Variants in LCA5L observed in about 807,000 individuals in gnomAD.
LCA5L encodes the protein lebercilin-like protein.
LCA5L carries 35 observed loss-of-function variants against 45.4 expected under a neutral mutation model. That is an observed-to-expected ratio of 0.77 (90% CI 0.59 to 1.02). LCA5L has a LOEUF of 1.02. LCA5L is among the 50% of genes least tolerant of loss of function. The pLI, the probability that LCA5L is intolerant of heterozygous loss-of-function variation, is 0.00. For missense variants in LCA5L, 668 were observed against 761.6 expected (o/e 0.88, Z 1.45); for synonymous variants, 233 against 264.7 (o/e 0.88, Z 1.16).
At chr21:39,433,927 CTTTTTTT>C (rs10574659) in intron 3 of LCA5L, among the ~76,000 whole-genome samples, 2 of 95,826 alleles carry the variant, frequency 2.1e-5, no homozygotes, top group South Asian at 4.1e-4. Context: ...CCACATCCAG[CTTTTTTT>C]TTTTTTTTTT....
Position 39,421,101 on chromosome 21 carries a change from GTT to G in LCA5L, c.838-260_838-259del, listed in dbSNP as rs200770360. On this transcript the variant is annotated intron_variant, in intron 6 of 10. Coordinates refer to ENST00000288350, the MANE Select transcript of LCA5L (RefSeq NM_152505.4). ...ACTCTAAAATTTGATTTAACAATTCGTTTTTTTTTTTTTTTTTCTAAGTTGGA... is the reference window on the plus strand; with the variant it reads ...ACTCTAAAATTTGATTTAACAATTCGTTTTTTTTTTTTTTTCTAAGTTGGA... Among the ~76,000 whole-genome samples the G allele has an allele frequency of 6.8e-3, 847 of 125,402 alleles. 6 individuals carry two copies. The highest frequency in any genetic ancestry group is 0.023 in the African/African-American group (817 of 35,546). The allele number at this position is 125,402 out of a possible 152,430, so 82.3% of individuals were successfully genotyped here.
chr21:39,422,467 G>C (rs2073931452), intron 6 of LCA5L: 1 of 155,416 alleles, frequency 6.4e-6, no homozygotes, highest in Non-Finnish European at 1.4e-5. Flanking sequence ...ACATTATCTG[G>C]GAAAAGCTGC....
intron 1 of LCA5L, 130 bp from the exon 2 acceptor site, chr21:39,444,331 G>A (rs1239828641): frequency 6.6e-6 from 1 of 152,080 alleles, no homozygotes; most frequent in African/African-American, 2.4e-5. Flanking sequence ...CTGTTCCAGG[G>A]GCACTGTCAT....
In LCA5L at chr21:39,405,848, A is replaced by T; in HGVS notation, c.*34T>A. 2.1e-6 allele frequency: 3 copies of T among 1,449,648 alleles called. No individual in the cohort carries two copies. Among genetic ancestry groups the T allele is most frequent in the Non-Finnish European group, 2.8e-6 (3 of 1,076,940 alleles). 89.8% of individuals were successfully genotyped at this position (1,449,648 alleles called of 1,614,324 possible). ...ATGCAAGGCACATAAGCAGCATTAT[A>T]TCAAACCAGAATGCATTAGGATATT... On this transcript the variant is annotated 3_prime_UTR_variant, in exon 11 of 11. Transcript: ENST00000288350.
chr21:39,440,912 A>T (rs1041345174), intron 2 of LCA5L, among the ~76,000 whole-genome samples: 6 of 152,270 alleles, frequency 3.9e-5, no homozygotes, highest in African/African-American at 1.2e-4. Context: ...TTATATAGCT[A>T]AGATAATCAA....
At chr21:39,408,803 G>C (rs2039560602) in intron 10 of LCA5L, 1 of 152,242 alleles carries the variant, frequency 6.6e-6, no homozygotes, top group African/African-American at 2.4e-5. Context: ...TATCTCCCAG[G>C]ATGATTCAGG....
At chr21:39,414,655 C>T (rs920239087) in intron 7 of LCA5L, among the ~76,000 whole-genome samples, 4 of 151,394 alleles carry the variant, frequency 2.6e-5, no homozygotes, top group Admixed American at 6.6e-5. Flanking sequence ...AGAAGTGATG[C>T]TGCGTGACTG....
chr21:39,414,013 C>T (rs564398720), intron 7 of LCA5L: 1 of 152,188 alleles, frequency 6.6e-6, no homozygotes, highest in Admixed American at 6.5e-5. Context: ...AGGTTGGGCA[C>T]CACGACAGAG....
Position 39,406,261 on chromosome 21 carries a change from T to C in LCA5L, c.1634A>G (p.Asn545Ser), listed in dbSNP as rs917529961. Residue 545 changes from asparagine (N) to serine (S), a missense_variant, in exon 11 of 11, where the codon AAT becomes AGT. By Grantham distance (46) the Asn-to-Ser change is conservative (BLOSUM62 1). Transcript: ENST00000288350. ...HGLPASGGPA[N>S]AGNMRYSHST... ...ATGACTGTACCTCATGTTGCCGGCA[T>C]TGGCTGGCCCCCCTGAAGCAGGAAG... 3.7e-6 allele frequency: 6 copies of C among 1,614,102 alleles called. No homozygotes were observed. Among genetic ancestry groups the C allele is most frequent in the East Asian group, 2.2e-5 (1 of 44,904 alleles).
intron 3 of LCA5L, among the ~76,000 whole-genome samples, chr21:39,431,074 A>G (rs960552524): frequency 1.3e-5 from 2 of 152,226 alleles, no homozygotes; most frequent in East Asian, 3.8e-4. Flanking sequence ...AAGAATAAAC[A>G]AGACTATAAA....
At chr21:39,426,705 GT>G (rs751662282) in intron 5 of LCA5L, among the ~76,000 whole-genome samples, 29 of 152,230 alleles carry the variant, frequency 1.9e-4, no homozygotes, top group Non-Finnish European at 3.8e-4. Flanking sequence ...TATGAAAGAT[GT>G]TGGGTTTTTG....
intron 2 of LCA5L, among the ~76,000 whole-genome samples, chr21:39,440,552 A>G (rs1455618605): frequency 1.3e-5 from 2 of 152,168 alleles, no homozygotes; most frequent in Non-Finnish European, 2.9e-5. Context: ...AAACAAAACA[A>G]AATGGGATTT....
Position 39,428,232 on chromosome 21 carries a change from G to T in LCA5L, c.262C>A (p.Pro88Thr). The change falls in exon 5 of 11, where the codon CCT becomes ACT. Residue 88 changes from proline (P) to threonine (T), a missense_variant. Physicochemically the swap from Pro to Thr is conservative, Grantham distance 38. Coordinates refer to ENST00000288350, the MANE Select transcript of LCA5L (RefSeq NM_152505.4). ...TTCTTCTCCTTTTCTTTTACCACAG[G>T]CTGCTTTAAATAATTTCTATTAATA... is the stretch of plus-strand genomic sequence containing the variant. ...KAINRNYLKQ[P>T]VVKEKEKKKY... 2 of 1,601,574 alleles carry T rather than the reference G, an allele frequency of 1.2e-6. No homozygotes were observed. The highest frequency in any genetic ancestry group is 1.7e-6 in the Non-Finnish European group (2 of 1,169,764).
chr21:39,410,796 T>C (rs536150284), intron 8 of LCA5L: 14 of 469,948 alleles, frequency 3.0e-5, no homozygotes, highest in African/African-American at 1.6e-4. Context: ...AAGGAAATTA[T>C]ATCATTTAAA....
At chr21:39,427,350 GATAGAGCT>G (rs1458729018) in intron 5 of LCA5L, among the ~76,000 whole-genome samples, 1 of 152,184 alleles carries the variant, frequency 6.6e-6, no homozygotes, top group African/African-American at 2.4e-5. Context: ...GCTGGGAGTT[GATAGAGCT>G]GGTACTTTAA....
intron 3 of LCA5L, among the ~76,000 whole-genome samples, chr21:39,434,999 A>G (rs146389900): frequency 4.6e-4 from 70 of 152,286 alleles, no homozygotes; most frequent in African/African-American, 1.6e-3. Context: ...TATAGTTCAG[A>G]TTTAGTTTGG....
In LCA5L at chr21:39,428,280, G is replaced by A. The variant is rs984151042; in HGVS notation, c.214C>T (p.Leu72Phe). 6.2e-7 allele frequency: 1 copy of A among 1,610,182 alleles called. No individual in the cohort carries two copies. Among genetic ancestry groups the A allele is most frequent in the Non-Finnish European group, 8.5e-7 (1 of 1,176,644 alleles). Reference sequence around the variant, plus strand: ...ATAGCCTTTTCTGAACAATCACAGAGAAAGTCTTCTGAATAATCATACTGA... The same window carrying A: ...ATAGCCTTTTCTGAACAATCACAGAAAAAGTCTTCTGAATAATCATACTGA... ...SSQYDYSEDFLCDCSEKAINR... is the reference protein window; with the variant it reads ...SSQYDYSEDFFCDCSEKAINR... The change falls in exon 5 of 11, where the codon CTC becomes TTC. Residue 72 changes from leucine (L) to phenylalanine (F), a missense_variant. Transcript: ENST00000288350.
chr21:39,423,439 A>G lies in LCA5L; in HGVS notation c.374T>C (p.Phe125Ser). 1 of 1,592,734 alleles carries G rather than the reference A, an allele frequency of 6.3e-7. No individual in the cohort carries two copies. Among genetic ancestry groups the G allele is most frequent in the Non-Finnish European group, 8.5e-7 (1 of 1,173,202 alleles). ...EKKHTWNASL[F>S]NSQIHMIAQR... The stretch of plus-strand genomic sequence containing the variant: ...GGCAATCATATGGATTTGAGAATTA[A>G]AGAGTGATGCATTCCAGGTGTGCTT... The change falls in exon 6 of 11, where the codon TTT becomes TCT. Residue 125 changes from phenylalanine to serine, a missense_variant. Transcript: ENST00000288350.
In LCA5L at chr21:39,424,373, C is replaced by T. The variant is rs528441883; in HGVS notation, c.323-883G>A. Among the ~76,000 whole-genome samples the T allele has an allele frequency of 2.5e-4, 38 of 152,226 alleles. No homozygotes were observed. In the South Asian group the frequency reaches 7.3e-3, roughly 29 times the overall value. The stretch of plus-strand genomic sequence containing the variant: ...GCACATGCCTATAGTCCTAGCTCCT[C>T]AGGAAGCCTTGGCGGGAGGATCCCT... On this transcript the variant is annotated intron_variant, in intron 5 of 10. Transcript: ENST00000288350.
Sources: allele counts gnomAD v4.1 joint callset (sites outside exome capture counted in the v4.1 genomes callset), GRCh38; gene constraint gnomAD v4.1.1; transcripts MANE v1.5; gene names NCBI Gene and HGNC (gene_info 2026-07-23, HGNC 2026-07-21).